Variants in GALNTL6 observed in about 807,000 individuals in gnomAD.
GALNTL6 encodes the protein polypeptide N-acetylgalactosaminyltransferase like 6.
Under a neutral mutation model 73.7 loss-of-function variants are expected in GALNTL6, and 46 were observed. The observed-to-expected ratio is 0.62, with a 90% CI of 0.49 to 0.80. The LOEUF is 0.80. Among genes scored for constraint, GALNTL6 ranks in the 30% least tolerant of loss-of-function variants. The pLI, the probability that GALNTL6 is intolerant of heterozygous loss-of-function variation, is 0.00. For synonymous variants in GALNTL6, 259 were observed against 263.7 expected (o/e 0.98, Z 0.17); for missense variants, 604 against 755.0 (o/e 0.80, Z 2.34).
intron 5 of GALNTL6, among the ~76,000 whole-genome samples, chr4:172,374,009 T>C (rs998794952): frequency 1.3e-5 from 2 of 152,170 alleles, no homozygotes; most frequent in Non-Finnish European, 2.9e-5. Flanking sequence ...GCACCCTCAT[T>C]CCTGTTGTTG....
At chr4:172,298,196 T>C (rs1578925598) in intron 3 of GALNTL6, among the ~76,000 whole-genome samples, 1 of 152,214 alleles carries the variant, frequency 6.6e-6, no homozygotes, top group African/African-American at 2.4e-5. Flanking sequence ...TTTTTGCACA[T>C]TGATTTTGTA....
intron 2 of GALNTL6, among the ~76,000 whole-genome samples, chr4:171,858,033 G>T (rs1440638448): frequency 6.6e-6 from 1 of 152,076 alleles, no homozygotes; most frequent in African/African-American, 2.4e-5. Context: ...CATATTTATG[G>T]CATTTCCATT....
In GALNTL6 at chr4:172,882,827, C is replaced by T. The variant is rs759011560; in HGVS notation, c.961C>T (p.Arg321Trp). Residue 321 changes from arginine to tryptophan, a missense_variant, in exon 8 of 13, where the codon CGG (arginine) becomes TGG (tryptophan). Coordinates refer to ENST00000506823, the MANE Select transcript of GALNTL6 (RefSeq NM_001034845.3). ...GGCTGGAGGTCTCTTTGCTGTGGAT[C>T]GGAAATGGTTTTGGGAATTGGGTGG... ...VMAGGLFAVD[R>W]KWFWELGGYD... The T allele has an allele frequency of 5.6e-6, 9 of 1,612,602 alleles. No individual in the cohort carries two copies. The highest frequency in any genetic ancestry group is 5.0e-5 in the Admixed American group (3 of 59,978).
At chr4:172,428,394 G>A (rs17225954) in intron 5 of GALNTL6, among the ~76,000 whole-genome samples, 20,871 of 152,090 alleles carry the variant, frequency 0.14, 1,644 homozygotes, top group Non-Finnish European at 0.19. Flanking sequence ...TACTTGAAGA[G>A]TCCATAAAAT....
chr4:172,222,337 A>T (rs529644762), intron 2 of GALNTL6, among the ~76,000 whole-genome samples: 2 of 22,866 alleles, frequency 8.7e-5, no homozygotes, highest in South Asian at 2.6e-3. Context: ...ATTCACATTA[A>T]TATAGTTATT....
intron 5 of GALNTL6, among the ~76,000 whole-genome samples, chr4:172,703,114 G>T (rs1481594767): frequency 6.6e-6 from 1 of 151,940 alleles, no homozygotes; most frequent in African/African-American, 2.4e-5. Flanking sequence ...AATGGTAAAA[G>T]TAGGTATCTT....
chr4:172,630,714 T>G (rs1280866660), intron 5 of GALNTL6, among the ~76,000 whole-genome samples: 1 of 151,070 alleles, frequency 6.6e-6, no homozygotes, highest in Non-Finnish European at 1.5e-5. Context: ...TCAACATATA[T>G]ATATATAATA....
chr4:172,733,196 A>C (rs775076353), intron 5 of GALNTL6, among the ~76,000 whole-genome samples: 1 of 152,200 alleles, frequency 6.6e-6, no homozygotes, highest in Non-Finnish European at 1.5e-5. Context: ...AATTCTGCTG[A>C]ATACATTTCT....
chr4:172,487,295 C>CTTCTTTCCTTCTTTCCTTCTTTCT (rs1554029530), intron 5 of GALNTL6, among the ~76,000 whole-genome samples: 1 of 81,518 alleles, frequency 1.2e-5, no homozygotes, highest in South Asian at 5.1e-4. Context: ...TCCTTCTTTC[C>CTTCTTTCCTTCTTTCCTTCTTTCT]TTCTGTCTTT....
intron 5 of GALNTL6, among the ~76,000 whole-genome samples, chr4:172,661,049 G>A (rs1354189782): frequency 6.6e-6 from 1 of 152,188 alleles, no homozygotes; most frequent in Non-Finnish European, 1.5e-5. Flanking sequence ...ACTGGATTGG[G>A]CCACAGTGCC....
At chr4:172,066,094 T>C (rs1414636075) in intron 2 of GALNTL6, among the ~76,000 whole-genome samples, 2 of 152,170 alleles carry the variant, frequency 1.3e-5, no homozygotes, top group East Asian at 3.9e-4. Context: ...CATTGACACA[T>C]CATTATCACC....
chr4:172,519,057 T>A (rs1313195895), intron 5 of GALNTL6, among the ~76,000 whole-genome samples: 1 of 151,254 alleles, frequency 6.6e-6, no homozygotes, highest in Admixed American at 6.6e-5. Context: ...CAACTTAAAT[T>A]TTATTGTTCG....
At chr4:172,569,793 G>T (rs1484073959) in intron 5 of GALNTL6, among the ~76,000 whole-genome samples, 1 of 152,174 alleles carries the variant, frequency 6.6e-6, no homozygotes, top group Non-Finnish European at 1.5e-5. Flanking sequence ...GAAAGATTAG[G>T]ATTGGAGACC....
chr4:172,825,073 T>G (rs1287465683), intron 7 of GALNTL6, among the ~76,000 whole-genome samples: 1 of 136,366 alleles, frequency 7.3e-6, no homozygotes, highest in East Asian at 2.1e-4. Context: ...TTTTTTTTGG[T>G]TATCTTTTCT....
chr4:172,197,262 A>G (rs902828428), intron 2 of GALNTL6, among the ~76,000 whole-genome samples: 3 of 152,142 alleles, frequency 2.0e-5, no homozygotes, highest in African/African-American at 7.2e-5. Flanking sequence ...AAGAAGAACT[A>G]CAAACGACTG....
chr4:172,002,866 T>C (rs1740719595), intron 2 of GALNTL6, among the ~76,000 whole-genome samples: 1 of 152,170 alleles, frequency 6.6e-6, no homozygotes, highest in South Asian at 2.1e-4. Flanking sequence ...GGTTCTCCCA[T>C]TCTGGTGGCA....
At chr4:172,826,312 T>C (rs943193067) in intron 7 of GALNTL6, among the ~76,000 whole-genome samples, 2 of 152,246 alleles carry the variant, frequency 1.3e-5, no homozygotes, top group African/African-American at 4.8e-5. Context: ...TCCGTTCAGC[T>C]GTTGCAGCAC....
intron 9 of GALNTL6, among the ~76,000 whole-genome samples, chr4:172,941,266 TTA>T (rs1405079673): frequency 6.6e-6 from 1 of 152,230 alleles, no homozygotes; most frequent in African/African-American, 2.4e-5. Context: ...GACCAAGATT[TTA>T]TGTTAGCTTT....
At chr4:172,174,092 G>T (rs1308244721) in intron 2 of GALNTL6, among the ~76,000 whole-genome samples, 1 of 152,158 alleles carries the variant, frequency 6.6e-6, no homozygotes, top group African/African-American at 2.4e-5. Context: ...AAAATGGATT[G>T]AAAGTTTTTA....
Sources: allele counts gnomAD v4.1 joint callset (sites outside exome capture counted in the v4.1 genomes callset), GRCh38; gene constraint gnomAD v4.1.1; transcripts MANE v1.5; gene names NCBI Gene and HGNC (gene_info 2026-07-23, HGNC 2026-07-21).